Variants in HSF2BP observed in about 807,000 individuals in gnomAD.
HSF2BP encodes the protein heat shock transcription factor 2 binding protein.
HSF2BP carries 35 observed loss-of-function variants against 35.0 expected under a neutral mutation model. That is an observed-to-expected ratio of 1.00 (90% confidence interval 0.76 to 1.32). The LOEUF is 1.32. Ranked by LOEUF, HSF2BP falls within the 40% of genes most tolerant of loss-of-function variation. The probability of loss-of-function intolerance (pLI) is 0.00; values close to 1 mark genes in which losing one functional copy is unlikely to be tolerated. For synonymous variants in HSF2BP, 114 were observed against 117.4 expected (o/e 0.97, Z 0.18); for missense variants, 326 against 321.7 (o/e 1.01, Z -0.10).
At chr21:43,613,162 C>A (rs1385232766) in intron 7 of HSF2BP, among the ~76,000 whole-genome samples, 1 of 152,140 alleles carries the variant, frequency 6.6e-6, no homozygotes, top group Non-Finnish European at 1.5e-5. Flanking sequence ...AAGAGGAAGT[C>A]TCAGAGACTG....
At chr21:43,644,481 A>G in intron 3 of HSF2BP, 89 bp from the exon 4 acceptor site, 1 of 915,406 alleles carries the variant, frequency 1.1e-6, no homozygotes. Context: ...ACTTAGTAAA[A>G]TGTGTACTGA....
At chr21:43,600,120 A>G (rs923188640) in intron 7 of HSF2BP, among the ~76,000 whole-genome samples, 31 of 152,204 alleles carry the variant, frequency 2.0e-4, no homozygotes, top group African/African-American at 7.2e-4. Context: ...TTACCTAAAT[A>G]TACAAGGTCT....
chr21:43,639,412 C>T (rs1159138577), intron 4 of HSF2BP, among the ~76,000 whole-genome samples: 2 of 151,954 alleles, frequency 1.3e-5, no homozygotes, highest in Non-Finnish European at 1.5e-5. Context: ...CAGCAAAGGA[C>T]TTCTATCTAG....
chr21:43,616,651 A>AT (rs1418130654), intron 6 of HSF2BP, among the ~76,000 whole-genome samples: 2 of 152,120 alleles, frequency 1.3e-5, no homozygotes, highest in Admixed American at 1.3e-4. Flanking sequence ...TTTAAAAAAA[A>AT]GAAAAAACAC....
At chr21:43,578,521 T>A (rs2081675520) in intron 8 of HSF2BP, among the ~76,000 whole-genome samples, 1 of 152,116 alleles carries the variant, frequency 6.6e-6, no homozygotes, top group South Asian at 2.1e-4. Context: ...ATGGTGTCCA[T>A]TCTACACAGA....
intron 6 of HSF2BP, among the ~76,000 whole-genome samples, chr21:43,616,882 G>A (rs2082277886): frequency 6.6e-6 from 1 of 150,530 alleles, no homozygotes; most frequent in African/African-American, 2.4e-5. Context: ...AGTGAGCTGA[G>A]ATCACACCAT....
rs1055169200 is a variant in HSF2BP, at chr21:43,575,982, G to T, written c.796+16243C>A. On this transcript the variant is annotated intron_variant, in intron 8 of 8. Transcript: ENST00000291560. ...AAAATACAAAAATTAGCTGGGTGTGGTGGCGTGCGCCTGTAGTCCCAGCTA... is the reference window on the plus strand; with the variant it reads ...AAAATACAAAAATTAGCTGGGTGTGTTGGCGTGCGCCTGTAGTCCCAGCTA... 5.9e-5 allele frequency among the ~76,000 whole-genome samples: 9 copies of T among 152,240 alleles called. No individual in the cohort carries two copies. The East Asian group carries it at 1.7e-3, about 29-fold the overall frequency.
chr21:43,598,172 G>A (rs58000149), intron 7 of HSF2BP, among the ~76,000 whole-genome samples: 1,944 of 152,006 alleles, frequency 0.013, 43 homozygotes, highest in African/African-American at 0.043. Flanking sequence ...TGTGACCATA[G>A]GCACTTTCTT....
rs973895525 is a variant in HSF2BP, at chr21:43,617,361, A to G, written c.575-3414T>C. 3.2e-4 allele frequency among the ~76,000 whole-genome samples: 49 copies of G among 152,184 alleles called. 1 individual carries two copies. Among genetic ancestry groups the G allele is most frequent in the African/African-American group, 1.1e-3 (44 of 41,492 alleles). On this transcript the variant is annotated intron_variant, in intron 6 of 8. Transcript: ENST00000291560. ...ATGCCAATGCTGCATTTCATTAAAT[A>G]TCACTAAAACATGAACTACAAAGTA...
chr21:43,655,425 A>C (rs926617120), intron 3 of HSF2BP, among the ~76,000 whole-genome samples: 8 of 152,218 alleles, frequency 5.3e-5, no homozygotes, highest in African/African-American at 1.7e-4. Flanking sequence ...AGGGGAGAGC[A>C]GAGATAACAG....
the HSF2BP span, among the ~76,000 whole-genome samples, chr21:43,467,903 ACGCAC>A: frequency 1.2e-5 from 1 of 81,942 alleles, no homozygotes; most frequent in Non-Finnish European, 2.5e-5. Flanking sequence ...CACCACACAC[ACGCAC>A]CACACACCAC....
Position 43,644,368 on chromosome 21 carries a change from A to C in HSF2BP, c.212T>G (p.Leu71Ter), listed in dbSNP as rs1476967174. ...EKNLERKEQE[L>*]EQLKMDCEHF... ...CTCACAATCCATTTTCAGCTGCTCT[A>C]ATTCTTGCTCTTTCCTTTCCAGGTC... Residue 71 changes from leucine (L) to a stop codon, truncating the protein, a stop_gained, in exon 4 of 9, where the codon TTA (leucine) becomes TGA (stop). Coordinates refer to ENST00000291560, the MANE Select transcript of HSF2BP (RefSeq NM_007031.2). LOFTEE classifies it high-confidence loss of function. 2.5e-6 allele frequency: 4 copies of C among 1,614,098 alleles called. No homozygotes were observed. In the South Asian group the frequency reaches 3.3e-5, roughly 13 times the overall value.
chr21:43,644,203 T>C lies in HSF2BP; in HGVS notation c.291+86A>G. Reference sequence around the variant, plus strand: ...TTTATTGAGGATTAAGAGTAAAAAATTCAGTCCCACTGCTTATCATAAGTG... The same window carrying C: ...TTTATTGAGGATTAAGAGTAAAAAACTCAGTCCCACTGCTTATCATAAGTG... On this transcript the variant is annotated intron_variant, in intron 4 of 8. Transcript: ENST00000291560. 2 of 907,630 alleles carry C rather than the reference T, an allele frequency of 2.2e-6. 1 individual carries two copies. Among genetic ancestry groups the C allele is most frequent in the South Asian group, 2.8e-5 (2 of 71,138 alleles). The allele number at this position is 907,630 out of a possible 1,614,324, so 56.2% of individuals were successfully genotyped here.
At chr21:43,507,320 C>T in the HSF2BP span, among the ~76,000 whole-genome samples, 2 of 99,128 alleles carry the variant, frequency 2.0e-5, 1 homozygote, top group African/African-American at 8.3e-5. Context: ...GACCCTGATT[C>T]CCTAGCTGTG....
At chr21:43,573,253 A>T (rs976632664) in intron 8 of HSF2BP, among the ~76,000 whole-genome samples, 9 of 152,180 alleles carry the variant, frequency 5.9e-5, no homozygotes, top group African/African-American at 2.2e-4. Flanking sequence ...CGGGGGGCTG[A>T]CGCTGCCCAC....
At chr21:43,599,271 G>A (rs536069010) in intron 7 of HSF2BP, among the ~76,000 whole-genome samples, 2 of 152,298 alleles carry the variant, frequency 1.3e-5, no homozygotes, top group Admixed American at 1.3e-4. Context: ...GTTGCCACCT[G>A]AGACCTCACG....
chr21:43,610,155 T>C (rs17004589), intron 7 of HSF2BP, among the ~76,000 whole-genome samples: 6,020 of 151,896 alleles, frequency 0.04, 420 homozygotes, highest in African/African-American at 0.14. Context: ...AACAGGAAAG[T>C]GGGCACAAGA....
intron 2 of HSF2BP, 141 bp downstream of exon 2, chr21:43,657,920 A>G: frequency 6.8e-7 from 1 of 1,468,364 alleles, no homozygotes; most frequent in Non-Finnish European, 9.0e-7. Flanking sequence ...GGCCCAGCCC[A>G]CGCCGTTAGG....
chr21:43,573,849 T>C (rs190710398), intron 8 of HSF2BP, among the ~76,000 whole-genome samples: 143 of 152,266 alleles, frequency 9.4e-4, no homozygotes, highest in South Asian at 2.5e-3. Flanking sequence ...AGCTCCCCAC[T>C]TCCTTCCACT....
Sources: gnomAD v4.1 joint callset for allele counts (sites outside exome capture counted in the v4.1 genomes callset) on GRCh38, gnomAD v4.1.1 for gene constraint, MANE v1.5 for transcripts, NCBI Gene and HGNC (gene_info 2026-07-23, HGNC 2026-07-21) for gene names.